The following HSDL2 variants were observed in gnomAD, a reference collection of about 807,000 sequenced individuals.
HSDL2 encodes hydroxysteroid dehydrogenase like 2.
Under a neutral mutation model 46.3 loss-of-function variants are expected in HSDL2, and 27 were observed. The ratio of observed to expected loss-of-function variants is 0.58; its 90% CI spans 0.43 to 0.80. HSDL2 has a LOEUF of 0.80. HSDL2 is among the 30% of genes least tolerant of loss of function. The pLI is 0.00. For missense variants in HSDL2, 451 were observed against 502.7 expected (o/e 0.90, Z 0.98); for synonymous variants, 153 against 163.6 (o/e 0.94, Z 0.50).
chr9:112,469,243 T>C (rs1361468643), intron 10 of HSDL2, among the ~76,000 whole-genome samples: 1 of 151,736 alleles, frequency 6.6e-6, no homozygotes, highest in Non-Finnish European at 1.5e-5. Flanking sequence ...ATATAATATA[T>C]ATATAATATA....
At chr9:112,452,203 G>A (rs1205054174) in intron 8 of HSDL2, among the ~76,000 whole-genome samples, 1 of 152,086 alleles carries the variant, frequency 6.6e-6, no homozygotes, top group Admixed American at 6.5e-5. Flanking sequence ...TTTATATTCA[G>A]TATACTTTAT....
At position 112,461,341 on chromosome 9, in the gene HSDL2, A is replaced by G. The variant is rs576338996; in HGVS notation, c.1144+1764A>G. ...TGATCCACCCGCCTTGGCCTCCCAAAGTGCTGGTATTACAAATGTGAGCCA... is the reference window on the plus strand; with the variant it reads ...TGATCCACCCGCCTTGGCCTCCCAAGGTGCTGGTATTACAAATGTGAGCCA... On this transcript the variant is annotated intron_variant, in intron 10 of 10. Transcript: ENST00000398805. Among the ~76,000 whole-genome samples, 4 of 152,262 alleles carry G rather than the reference A, an allele frequency of 2.6e-5. No homozygotes were observed. In the South Asian group the frequency reaches 8.3e-4, roughly 32 times the overall value.
rs140800427 is a variant in HSDL2, at chr9:112,437,238, G to A, written c.599-1193G>A. 2.3e-3 allele frequency among the ~76,000 whole-genome samples: 344 copies of A among 152,144 alleles called. 3 individuals are homozygous for A. The highest frequency in any genetic ancestry group is 7.8e-3 in the African/African-American group (323 of 41,474). Reference sequence around the variant, plus strand: ...GCCTCCCACAGTGCCGGGATTACAGGCGTGAGCCACCGCACCTAGCTATTT... The same window carrying A: ...GCCTCCCACAGTGCCGGGATTACAGACGTGAGCCACCGCACCTAGCTATTT... On this transcript the variant is annotated intron_variant, in intron 6 of 10. Coordinates refer to ENST00000398805, the MANE Select transcript of HSDL2 (RefSeq NM_032303.5).
At chr9:112,411,634 C>T (rs1831870803) in intron 4 of HSDL2, among the ~76,000 whole-genome samples, 1 of 152,122 alleles carries the variant, frequency 6.6e-6, no homozygotes, top group Non-Finnish European at 1.5e-5. Flanking sequence ...AAGATCACAC[C>T]ACTGCACTCC....
chr9:112,385,738 C>T (rs965628399), intron 1 of HSDL2, among the ~76,000 whole-genome samples: 1 of 151,996 alleles, frequency 6.6e-6, no homozygotes, highest in African/African-American at 2.4e-5. Flanking sequence ...TGTGATCCGC[C>T]CACCTCAGCC....
chr9:112,421,859 G>A lies in HSDL2; in HGVS notation c.598+2901G>A, dbSNP rs1832131633. ...AGCTGCTAGGACGGTGGGCAGGTGA[G>A]CCTATGAAGGAATGAGTAAGACTTG... On this transcript the variant is annotated intron_variant, in intron 6 of 10. Coordinates refer to ENST00000398805, the MANE Select transcript of HSDL2 (RefSeq NM_032303.5). 3.3e-5 allele frequency among the ~76,000 whole-genome samples: 5 copies of A among 152,294 alleles called. No homozygotes were observed. In the South Asian group the frequency reaches 1.0e-3, roughly 32 times the overall value.
intron 1 of HSDL2, among the ~76,000 whole-genome samples, chr9:112,381,684 C>G (rs1388061023): frequency 6.6e-6 from 1 of 152,076 alleles, no homozygotes; most frequent in Non-Finnish European, 1.5e-5. Context: ...GCATAATATT[C>G]TGTAACAGCT....
At chr9:112,454,275 C>T (rs1417428915) in intron 9 of HSDL2, 113 bp downstream of exon 9, 9 of 755,036 alleles carry the variant, frequency 1.2e-5, no homozygotes, top group Non-Finnish European at 1.9e-5. Context: ...GCATTCAAGA[C>T]CCTTACTCTT....
chr9:112,400,052 C>A lies in HSDL2; in HGVS notation c.18-3943C>A, dbSNP rs185011186. Among the ~76,000 whole-genome samples, 46 of 152,270 alleles carry A rather than the reference C, an allele frequency of 3.0e-4. 1 individual carries two copies. In the Middle Eastern group the frequency reaches 0.01, roughly 34 times the overall value. On this transcript the variant is annotated intron_variant, in intron 1 of 10. Coordinates refer to ENST00000398805, the MANE Select transcript of HSDL2 (RefSeq NM_032303.5). ...CATGAAATTTTCACAATTTATGTTC[C>A]TCTTCCGCGGCTCCAGCTGGTCCCT...
In HSDL2 at chr9:112,438,600, T is replaced by A; in HGVS notation, c.768T>A (p.Asn256Lys). 1 of 1,598,402 alleles carries A rather than the reference T, an allele frequency of 6.3e-7. No homozygotes were observed. Reference sequence around the variant, plus strand: ...TCTTAAAAGAAGAAGGAATAGAAAATTTTGACGTTTATGCAATTAAACCAG... The same window carrying A: ...TCTTAAAAGAAGAAGGAATAGAAAAATTTGACGTTTATGCAATTAAACCAG... ...ENILKEEGIE[N>K]FDVYAIKPGH... Residue 256 changes from asparagine to lysine, a missense_variant, in exon 7 of 11, where the codon AAT (asparagine) becomes AAA (lysine). Asn to Lys is a moderately conservative substitution (Grantham distance 94, BLOSUM62 0). Transcript: ENST00000398805.
intron 1 of HSDL2, among the ~76,000 whole-genome samples, chr9:112,392,734 T>C (rs1831373885): frequency 3.3e-5 from 5 of 152,220 alleles, no homozygotes; most frequent in Admixed American, 6.5e-5. Flanking sequence ...CAAGGTGTGC[T>C]GATTTCATAT....
chr9:112,416,087 C>A (rs1480510558), intron 4 of HSDL2, among the ~76,000 whole-genome samples: 3 of 144,964 alleles, frequency 2.1e-5, no homozygotes, highest in African/African-American at 7.7e-5. Flanking sequence ...GCCTGGGCAA[C>A]AGAGCCAGAC....
chr9:112,386,988 GATGTA>G (rs1265533564), intron 1 of HSDL2, among the ~76,000 whole-genome samples: 3 of 152,192 alleles, frequency 2.0e-5, no homozygotes, highest in Non-Finnish European at 4.4e-5. Context: ...ATAACAGCCA[GATGTA>G]ATGTGAGGTC....
At chr9:112,407,069 T>TG (rs777337043) in intron 3 of HSDL2, among the ~76,000 whole-genome samples, 47 of 152,320 alleles carry the variant, frequency 3.1e-4, no homozygotes, top group Admixed American at 4.6e-4. Context: ...CAGAGTGCTG[T>TG]GGGGTGCTGG....
At position 112,437,974 on chromosome 9, in the gene HSDL2, G is replaced by A. The variant is rs564957194; in HGVS notation, c.599-457G>A. Among the ~76,000 whole-genome samples, 44 of 152,336 alleles carry A rather than the reference G, an allele frequency of 2.9e-4. No individual in the cohort carries two copies. In the East Asian group the frequency reaches 4.1e-3, roughly 14 times the overall value. On this transcript the variant is annotated intron_variant, in intron 6 of 10. Coordinates refer to ENST00000398805, the MANE Select transcript of HSDL2 (RefSeq NM_032303.5). ...CATTTGGTAAATCCTGGGGCCAGGC[G>A]TGGTGGCTCATGCCTGTAATCCCAG...
At chr9:112,383,066 A>C (rs189347596) in intron 1 of HSDL2, among the ~76,000 whole-genome samples, 3 of 147,064 alleles carry the variant, frequency 2.0e-5, no homozygotes, top group African/African-American at 7.6e-5. Flanking sequence ...TTAAACCGAG[A>C]TCTTTCTTTC....
intron 6 of HSDL2, among the ~76,000 whole-genome samples, chr9:112,433,294 A>G (rs1832450517): frequency 6.6e-6 from 1 of 152,166 alleles, no homozygotes; most frequent in African/African-American, 2.4e-5. Context: ...TGGTGTATGT[A>G]TGATAGGGTG....
chr9:112,401,489 T>C (rs1831593536), intron 1 of HSDL2, among the ~76,000 whole-genome samples: 1 of 149,610 alleles, frequency 6.7e-6, no homozygotes, highest in South Asian at 2.1e-4. Context: ...GCTAATGTTT[T>C]ACCTAATTGG....
intron 10 of HSDL2, among the ~76,000 whole-genome samples, chr9:112,463,232 T>A (rs566085335): frequency 6.6e-6 from 1 of 151,704 alleles, no homozygotes; most frequent in South Asian, 2.1e-4. Context: ...ATGGAATTGC[T>A]AGGTCATATG....
Sources: gnomAD v4.1 joint callset for allele counts (sites outside exome capture counted in the v4.1 genomes callset) on GRCh38, gnomAD v4.1.1 for gene constraint, MANE v1.5 for transcripts, NCBI Gene and HGNC (gene_info 2026-07-23, HGNC 2026-07-21) for gene names.